The following CFAP58 variants were observed in gnomAD, a reference collection of about 807,000 sequenced individuals.
The protein encoded by CFAP58 is cilia- and flagella-associated protein 58.
Under a neutral mutation model 119.5 loss-of-function variants are expected in CFAP58, and 88 were observed. The ratio of observed to expected loss-of-function variants is 0.74; its 90% CI spans 0.62 to 0.88. The LOEUF (loss-of-function observed/expected upper bound fraction) is 0.88, where lower values mean the gene tolerates loss of function less well. CFAP58 is among the 40% of genes least tolerant of loss of function. The probability of loss-of-function intolerance (pLI) is 0.00; values close to 1 mark genes in which losing one functional copy is unlikely to be tolerated. For missense variants in CFAP58, 990 were observed against 1,021.2 expected (o/e 0.97, Z 0.42); for synonymous variants, 365 against 366.3 (o/e 1.00, Z 0.04).
At chr10:104,365,119 C>T (rs1224100617) in intron 4 of CFAP58, among the ~76,000 whole-genome samples, 3 of 152,106 alleles carry the variant, frequency 2.0e-5, no homozygotes, top group African/African-American at 7.2e-5. Context: ...GTCACTGAGG[C>T]GGGCACTCCC....
At chr10:104,403,173 C>T (rs2012296113) in intron 13 of CFAP58, among the ~76,000 whole-genome samples, 1 of 152,104 alleles carries the variant, frequency 6.6e-6, no homozygotes, top group Non-Finnish European at 1.5e-5. Context: ...GTAGTTTCCC[C>T]CATGCTGTTC....
chr10:104,410,696 G>A (rs748326649), intron 15 of CFAP58, among the ~76,000 whole-genome samples: 4 of 151,994 alleles, frequency 2.6e-5, no homozygotes, highest in African/African-American at 4.8e-5. Flanking sequence ...TCAGCACAAC[G>A]CATTTGGGTA....
At chr10:104,390,724 G>A (rs1408016989) in intron 9 of CFAP58, among the ~76,000 whole-genome samples, 4 of 152,068 alleles carry the variant, frequency 2.6e-5, no homozygotes, top group Admixed American at 2.0e-4. Context: ...TAGAAGAGGG[G>A]CTGATGTTGA....
In CFAP58 at chr10:104,433,906, C is replaced by T. The variant is rs759139061; in HGVS notation, c.2257-13792C>T. Among the ~76,000 whole-genome samples, 24 of 152,308 alleles carry T rather than the reference C, an allele frequency of 1.6e-4. No homozygotes were observed. In the East Asian group the frequency reaches 4.4e-3, roughly 28 times the overall value. Reference sequence around the variant, plus strand: ...CTGTCATTGTCAATGTACAGTTACACGGCTGCTCTGGTCTCTCCAGAACCC... The same window carrying T: ...CTGTCATTGTCAATGTACAGTTACATGGCTGCTCTGGTCTCTCCAGAACCC... On this transcript the variant is annotated intron_variant, in intron 15 of 17. Coordinates refer to ENST00000369704, the MANE Select transcript of CFAP58 (RefSeq NM_001008723.2).
chr10:104,449,649 A>G (rs1463088455), intron 16 of CFAP58, among the ~76,000 whole-genome samples: 4 of 152,216 alleles, frequency 2.6e-5, no homozygotes, highest in East Asian at 1.9e-4. Flanking sequence ...AATTTTTTTC[A>G]TAATCCTCAG....
chr10:104,366,564 A>G (rs2014753819), intron 5 of CFAP58, among the ~76,000 whole-genome samples: 1 of 152,236 alleles, frequency 6.6e-6, no homozygotes, highest in African/African-American at 2.4e-5. Context: ...CCATGTAGTT[A>G]TAGACTTGTG....
At chr10:104,414,907 A>G (rs2012524546) in intron 15 of CFAP58, among the ~76,000 whole-genome samples, 1 of 152,140 alleles carries the variant, frequency 6.6e-6, no homozygotes, top group African/African-American at 2.4e-5. Flanking sequence ...GAAAACAGAA[A>G]AGGTCTTCTC....
upstream of CFAP58, among the ~76,000 whole-genome samples, chr10:104,350,750 C>T (rs544861310): frequency 6.6e-6 from 1 of 152,340 alleles, no homozygotes; most frequent in African/African-American, 2.4e-5. Flanking sequence ...TGTCTTTCCC[C>T]TAATACAGAT....
At chr10:104,398,288 G>A (rs1025406021) in intron 11 of CFAP58, among the ~76,000 whole-genome samples, 24 of 152,288 alleles carry the variant, frequency 1.6e-4, no homozygotes, top group African/African-American at 5.8e-4. Flanking sequence ...ATTTAATTTG[G>A]AACTCTTGGG....
At chr10:104,441,432 T>TG (rs1268594075) in intron 15 of CFAP58, among the ~76,000 whole-genome samples, 1 of 152,236 alleles carries the variant, frequency 6.6e-6, no homozygotes, top group Admixed American at 6.5e-5. Flanking sequence ...AACACTATCA[T>TG]GATTTTTAAT....
intron 9 of CFAP58, among the ~76,000 whole-genome samples, chr10:104,391,304 A>G (rs573568469): frequency 2.0e-4 from 31 of 152,246 alleles, no homozygotes; most frequent in African/African-American, 6.5e-4. Flanking sequence ...CTGTTTCTTC[A>G]TATGTGTCCC....
intron 14 of CFAP58, among the ~76,000 whole-genome samples, chr10:104,404,896 CTTTG>C (rs1446312044): frequency 1.3e-5 from 2 of 152,192 alleles, no homozygotes; most frequent in Non-Finnish European, 2.9e-5. Context: ...CACGCCCAGG[CTTTG>C]TTTTTCATTT....
At chr10:104,385,947 A>T (rs1001003877) in intron 9 of CFAP58, among the ~76,000 whole-genome samples, 9 of 152,184 alleles carry the variant, frequency 5.9e-5, no homozygotes, top group Non-Finnish European at 1.2e-4. Flanking sequence ...ATAGATGCCT[A>T]GTTACCCTTT....
At chr10:104,371,113 T>C (rs1252138971) in intron 7 of CFAP58, 59 bp downstream of exon 7, 1 of 1,499,616 alleles carries the variant, frequency 6.7e-7, no homozygotes, top group Non-Finnish European at 9.0e-7. Context: ...TGATGTTATC[T>C]TGTAACCCAG....
In CFAP58 at chr10:104,400,663, C is replaced by T. The variant is rs761762486; in HGVS notation, c.1816-17C>T. ...CTCCTCCTTCCCTGGTGACTATGCC[C>T]CTCCCTACCTTCCTAGGTCATCAGT... On this transcript the variant is annotated splice_polypyrimidine_tract_variant and intron_variant, in intron 12 of 17. Transcript: ENST00000369704. 1.2e-6 allele frequency: 2 copies of T among 1,606,452 alleles called. No homozygotes were observed. The highest frequency in any genetic ancestry group is 1.7e-6 in the Non-Finnish European group (2 of 1,174,020).
chr10:104,366,667 A>C (rs1411057217), intron 5 of CFAP58, among the ~76,000 whole-genome samples: 1 of 152,102 alleles, frequency 6.6e-6, no homozygotes, highest in Non-Finnish European at 1.5e-5. Flanking sequence ...CCTTGGTTGT[A>C]CCAGCATCAT....
At chr10:104,368,982 G>A (rs990200403) in intron 6 of CFAP58, among the ~76,000 whole-genome samples, 5 of 152,186 alleles carry the variant, frequency 3.3e-5, no homozygotes, top group Non-Finnish European at 4.4e-5. Flanking sequence ...CAGGATTGTG[G>A]AATCATGATT....
Position 104,406,811 on chromosome 10 carries a change from T to A in CFAP58, c.2256+18T>A. ...TCCTCCAGGTAGCATTTTTGTTTTC[T>A]GTACTCATTGTACAAGTCCTTAGCA... On this transcript the variant is annotated intron_variant, in intron 15 of 17. Transcript: ENST00000369704. 6.3e-7 allele frequency: 1 copy of A among 1,586,594 alleles called. No homozygotes were observed.
the CFAP58 span, among the ~76,000 whole-genome samples, chr10:104,344,517 A>C: frequency 6.6e-6 from 1 of 152,198 alleles, no homozygotes; most frequent in South Asian, 2.1e-4. Flanking sequence ...CACAGAGACC[A>C]TGTGGCCCGT....
Sources: allele counts gnomAD v4.1 joint callset (sites outside exome capture counted in the v4.1 genomes callset), GRCh38; gene constraint gnomAD v4.1.1; transcripts MANE v1.5; gene names NCBI Gene and HGNC (gene_info 2026-07-23, HGNC 2026-07-21).